The following TEAD4 variants were observed in gnomAD, a reference collection of about 807,000 sequenced individuals.
The protein encoded by TEAD4 is TEA domain transcription factor 4.
A neutral mutation model predicts 52.4 loss-of-function variants in TEAD4; 36 were observed. That is an observed-to-expected ratio of 0.69 (90% CI 0.53 to 0.91). The LOEUF is 0.91. Among genes scored for constraint, TEAD4 ranks in the 40% least tolerant of loss-of-function variants. The pLI is 0.00. For synonymous variants in TEAD4, 220 were observed against 231.0 expected (o/e 0.95, Z 0.43); for missense variants, 508 against 583.9 (o/e 0.87, Z 1.34).
At position 2,994,792 on chromosome 12, in the gene TEAD4, C is replaced by T. The variant is rs1591572456; in HGVS notation, c.26C>T (p.Thr9Ile). ...TTGGAGGGCACGGCCGGCACCATTA[C>T]CTCCAACGAGTGGAGCTCTCCCACC... is the stretch of plus-strand genomic sequence containing the variant. Residue 9 changes from threonine to isoleucine, a missense_variant, in exon 3 of 13, where the codon ACC (threonine) becomes ATC (isoleucine). By Grantham distance (89) the Thr-to-Ile change is moderately conservative. Coordinates refer to ENST00000359864, the MANE Select transcript of TEAD4 (RefSeq NM_003213.4). This position sits in a 1 kb window ranked among gnomAD's most constrained non-coding sequence, Gnocchi z 4.7. 6 of 1,613,304 alleles carry T rather than the reference C, an allele frequency of 3.7e-6. No homozygotes were observed. Among genetic ancestry groups the T allele is most frequent in the Non-Finnish European group, 5.1e-6 (6 of 1,179,738 alleles).
chr12:3,030,463 G>T (rs906559239), intron 10 of TEAD4, among the ~76,000 whole-genome samples: 2 of 152,180 alleles, frequency 1.3e-5, no homozygotes, highest in African/African-American at 4.8e-5. Context: ...ACGCAGCTCA[G>T]CTTCTTATCT....
At chr12:2,972,557 T>C (rs2153952899) in intron 2 of TEAD4, among the ~76,000 whole-genome samples, 1 of 128,356 alleles carries the variant, frequency 7.8e-6, no homozygotes, top group Middle Eastern at 6.8e-3. Context: ...TGGAGTGCAA[T>C]GGTGCAATCT....
rs141265109 is a variant in TEAD4 at position 3,032,295 on chromosome 12, C to T, written c.898-5673C>T. ...CAAAGACATGGGATTCAGCAGGTTC[C>T]CTTGTGGACCGTGTGCTCCAGCCGT... On this transcript the variant is annotated intron_variant, in intron 10 of 12. Transcript: ENST00000359864. Among the ~76,000 whole-genome samples the T allele has an allele frequency of 3.7e-3, 568 of 152,248 alleles. 3 individuals carry two copies. The highest frequency in any genetic ancestry group is 0.013 in the African/African-American group (551 of 41,556).
At chr12:3,021,722 A>C in intron 9 of TEAD4, 122 bp from the exon 10 acceptor site, 1 of 943,914 alleles carries the variant, frequency 1.1e-6, no homozygotes, top group Non-Finnish European at 1.6e-6. Context: ...CTCATGGGGA[A>C]ACTATGGCCC....
In TEAD4 at chr12:2,959,633, T is replaced by C. The variant is rs1194048009; in HGVS notation, c.-123+152T>C. ...CTTGGACCTCTGCGCTCCGACGCGC[T>C]CCGTCCCGACCTCTGGCTTCCCTCC... is the stretch of plus-strand genomic sequence containing the variant. On this transcript the variant is annotated intron_variant, in intron 1 of 12. Coordinates refer to ENST00000359864, the MANE Select transcript of TEAD4 (RefSeq NM_003213.4). This position sits in a 1 kb window ranked among gnomAD's most constrained non-coding sequence, Gnocchi z 5.1. 1.3e-5 allele frequency among the ~76,000 whole-genome samples: 2 copies of C among 150,590 alleles called. No homozygotes were observed. Among genetic ancestry groups the C allele is most frequent in the Non-Finnish European group, 3.0e-5 (2 of 67,602 alleles).
At chr12:3,039,824 A>G (rs913762069) in intron 11 of TEAD4, among the ~76,000 whole-genome samples, 1 of 152,100 alleles carries the variant, frequency 6.6e-6, no homozygotes, top group Admixed American at 6.6e-5. Flanking sequence ...AGTAGCTGGG[A>G]TTACAGGCAC....
chr12:2,987,371 C>T (rs1277860848), intron 2 of TEAD4, among the ~76,000 whole-genome samples: 1 of 152,140 alleles, frequency 6.6e-6, no homozygotes, highest in Non-Finnish European at 1.5e-5. Context: ...ACTACAGACT[C>T]CTCCTGCTTC....
At chr12:2,962,064 T>A (rs2098215805) in intron 2 of TEAD4, among the ~76,000 whole-genome samples, 1 of 151,902 alleles carries the variant, frequency 6.6e-6, no homozygotes, top group African/African-American at 2.4e-5. Context: ...CATTATTAGA[T>A]ACCCTAATGT....
In TEAD4 at chr12:2,994,650, G is replaced by A. The variant is rs1368015211; in HGVS notation, c.-29-88G>A. ...GCTTTGCTTCCTGAGCAACTGATTC[G>A]GGCTCTGGCACTCCCCGGAGTGCCT... On this transcript the variant is annotated intron_variant, in intron 2 of 12. Coordinates refer to ENST00000359864, the MANE Select transcript of TEAD4 (RefSeq NM_003213.4). This position sits in a 1 kb window ranked among gnomAD's most constrained non-coding sequence, Gnocchi z 4.7. The A allele has an allele frequency of 9.7e-6, 14 of 1,439,766 alleles. No homozygotes were observed. The highest frequency in any genetic ancestry group is 5.7e-5 in the African/African-American group (4 of 69,770). 89.2% of individuals were successfully genotyped at this position (1,439,766 alleles called of 1,614,324 possible).
intron 2 of TEAD4, among the ~76,000 whole-genome samples, chr12:2,964,213 C>T (rs537627741): frequency 3.3e-4 from 50 of 152,322 alleles, no homozygotes; most frequent in Admixed American, 1.2e-3. Context: ...TTGCCAGCCT[C>T]CGCTCGTGCC....
At chr12:2,962,119 T>G (rs923174306) in intron 2 of TEAD4, among the ~76,000 whole-genome samples, 1 of 150,522 alleles carries the variant, frequency 6.6e-6, no homozygotes, top group African/African-American at 2.4e-5. Context: ...TTTATTTTTA[T>G]TTTATTTTAT....
At chr12:3,021,767 TG>T in intron 9 of TEAD4, 76 bp from the exon 10 acceptor site, 1 of 1,517,410 alleles carries the variant, frequency 6.6e-7, no homozygotes, top group East Asian at 2.3e-5. Flanking sequence ...GGTCACGTGG[TG>T]GGCACGCAGA....
At position 2,959,736 on chromosome 12, in the gene TEAD4, C is replaced by G. The variant is rs901740028; in HGVS notation, c.-122-212C>G. ...CGCTCCCCTCCTCGCTCCCGGTTGA[C>G]TCACTCCTCCAGGAATAGGGATCCC... On this transcript the variant is annotated intron_variant, in intron 1 of 12. Coordinates refer to ENST00000359864, the MANE Select transcript of TEAD4 (RefSeq NM_003213.4). This position sits in a 1 kb window ranked among gnomAD's most constrained non-coding sequence, Gnocchi z 5.1. 1 of 151,320 alleles carries G rather than the reference C, an allele frequency of 6.6e-6. No individual in the cohort carries two copies. Among genetic ancestry groups the G allele is most frequent in the Non-Finnish European group, 1.5e-5 (1 of 67,912 alleles). The allele number at this position is 151,320 out of a possible 1,614,324, so 9.4% of individuals were successfully genotyped here.
chr12:2,985,750 T>C (rs541472004), intron 2 of TEAD4, among the ~76,000 whole-genome samples: 2 of 152,166 alleles, frequency 1.3e-5, no homozygotes, highest in South Asian at 2.1e-4. Context: ...GTGATCCACC[T>C]ACCTCACCTG....
At chr12:2,964,490 T>C (rs528842104) in intron 2 of TEAD4, among the ~76,000 whole-genome samples, 1 of 151,304 alleles carries the variant, frequency 6.6e-6, no homozygotes. Context: ...GGAGTTTTGC[T>C]TTTGTTGCCC....
intron 3 of TEAD4, among the ~76,000 whole-genome samples, chr12:2,998,316 T>C (rs2098248914): frequency 6.6e-6 from 1 of 152,076 alleles, no homozygotes; most frequent in Non-Finnish European, 1.5e-5. Context: ...GCTTCACATA[T>C]AAAGATACTG....
At chr12:2,960,158 C>G in intron 2 of TEAD4, 118 bp downstream of exon 2, 1 of 271,232 alleles carries the variant, frequency 3.7e-6, no homozygotes, top group Non-Finnish European at 5.7e-6. Flanking sequence ...GGAGGCGGCG[C>G]GACTGAGGCT....
chr12:2,980,076 G>A (rs2098232913), intron 2 of TEAD4, among the ~76,000 whole-genome samples: 1 of 152,162 alleles, frequency 6.6e-6, no homozygotes, highest in Non-Finnish European at 1.5e-5. Context: ...GAAAAGTGCA[G>A]GCCTGAGATG....
At chr12:3,003,236 C>T (rs2098253105) in intron 3 of TEAD4, among the ~76,000 whole-genome samples, 2 of 152,340 alleles carry the variant, frequency 1.3e-5, no homozygotes, top group East Asian at 3.9e-4. Flanking sequence ...GCTCTCAGCT[C>T]CTCAGTCCTT....
Sources: allele counts gnomAD v4.1 joint callset (sites outside exome capture counted in the v4.1 genomes callset), GRCh38; gene constraint gnomAD v4.1.1; non-coding constraint Gnocchi (gnomAD v3.1); transcripts MANE v1.5; gene names NCBI Gene and HGNC (gene_info 2026-07-23, HGNC 2026-07-21).